Variants in PIK3C2G observed in about 807,000 individuals in gnomAD.
The protein encoded by PIK3C2G is phosphatidylinositol 3-kinase C2 domain-containing subunit gamma.
PIK3C2G carries 168 observed loss-of-function variants against 181.1 expected under a neutral mutation model. The ratio of observed to expected loss-of-function variants is 0.93; its 90% CI spans 0.82 to 1.05. PIK3C2G has a LOEUF of 1.05. PIK3C2G is among the 50% of genes least tolerant of loss of function. The pLI, the probability that PIK3C2G is intolerant of heterozygous loss-of-function variation, is 0.00. For synonymous variants in PIK3C2G, 573 were observed against 592.2 expected (o/e 0.97, Z 0.47); for missense variants, 1,869 against 1,732.8 (o/e 1.08, Z -1.40).
At chr12:18,340,438 T>G (rs1214208659) in intron 9 of PIK3C2G, among the ~76,000 whole-genome samples, 1 of 152,220 alleles carries the variant, frequency 6.6e-6, no homozygotes, top group East Asian at 1.9e-4. Flanking sequence ...TTCACCAGTA[T>G]GTTTTGAAAA....
intron 25 of PIK3C2G, among the ~76,000 whole-genome samples, chr12:18,540,818 T>C (rs12299415): frequency 0.024 from 3,570 of 151,906 alleles, 151 homozygotes; most frequent in African/African-American, 0.082. Flanking sequence ...TCAGAAGCAA[T>C]GTGGACCAAT....
chr12:18,566,892 A>T (rs546676931), intron 28 of PIK3C2G, 57 bp from the exon 29 acceptor site: 2 of 854,788 alleles, frequency 2.3e-6, no homozygotes, highest in South Asian at 2.8e-5. Context: ...AACAATCTTA[A>T]GATGAAAAGG....
chr12:18,278,130 T>C (rs191577441), intron 1 of PIK3C2G, among the ~76,000 whole-genome samples: 3 of 152,314 alleles, frequency 2.0e-5, no homozygotes, highest in African/African-American at 7.2e-5. Context: ...TAACAAATTA[T>C]CACAAACTTT....
At chr12:18,455,030 G>A (rs1947549952) in intron 18 of PIK3C2G, among the ~76,000 whole-genome samples, 1 of 152,160 alleles carries the variant, frequency 6.6e-6, no homozygotes, top group Non-Finnish European at 1.5e-5. Context: ...TTCAACTGGA[G>A]AAAGATTTGC....
chr12:18,339,715 G>A (rs1938942292), intron 9 of PIK3C2G, among the ~76,000 whole-genome samples: 1 of 152,088 alleles, frequency 6.6e-6, no homozygotes, highest in African/African-American at 2.4e-5. Flanking sequence ...GTTTCTTAAT[G>A]TTGGGCTTTC....
intron 9 of PIK3C2G, among the ~76,000 whole-genome samples, chr12:18,339,178 A>G (rs12815366): frequency 0.099 from 15,092 of 152,110 alleles, 794 homozygotes; most frequent in Non-Finnish European, 0.11. Flanking sequence ...ATTATTTTCC[A>G]AGAAAAATAT....
chr12:18,576,834 A>C (rs1342895777), intron 29 of PIK3C2G, among the ~76,000 whole-genome samples: 1 of 152,190 alleles, frequency 6.6e-6, no homozygotes, highest in Non-Finnish European at 1.5e-5. Context: ...TCTGAAGGTC[A>C]CGTCTGTTCA....
intron 29 of PIK3C2G, among the ~76,000 whole-genome samples, chr12:18,580,704 T>C (rs1946452857): frequency 1.3e-5 from 2 of 152,222 alleles, no homozygotes; most frequent in Non-Finnish European, 2.9e-5. Flanking sequence ...AATATGAATA[T>C]AGTGGGTGGA....
chr12:18,699,471 A>T, the PIK3C2G span, among the ~76,000 whole-genome samples: 1 of 152,050 alleles, frequency 6.6e-6, no homozygotes, highest in Non-Finnish European at 1.5e-5. Context: ...CAAGCCTTCT[A>T]ATTCGGCTCT....
At chr12:18,623,692 A>G (rs1234740690) in intron 31 of PIK3C2G, among the ~76,000 whole-genome samples, 2 of 151,610 alleles carry the variant, frequency 1.3e-5, no homozygotes, top group Admixed American at 6.6e-5. Flanking sequence ...CTTTCCACGT[A>G]TTTGTGTTTT....
intron 30 of PIK3C2G, among the ~76,000 whole-genome samples, chr12:18,604,576 G>A (rs1947911643): frequency 6.6e-6 from 1 of 152,084 alleles, no homozygotes; most frequent in East Asian, 1.9e-4. Flanking sequence ...ATTTCATCCA[G>A]CAACCACAGA....
intron 24 of PIK3C2G, among the ~76,000 whole-genome samples, chr12:18,506,982 A>G (rs941692093): frequency 2.6e-5 from 4 of 152,070 alleles, no homozygotes; most frequent in Admixed American, 6.6e-5. Flanking sequence ...TGCTTTCTTT[A>G]ATAAACAGCC....
At chr12:18,399,168 C>A (rs1178605656) in intron 15 of PIK3C2G, among the ~76,000 whole-genome samples, 21 of 138,498 alleles carry the variant, frequency 1.5e-4, no homozygotes, top group African/African-American at 5.7e-4. Flanking sequence ...GCACTCCAGC[C>A]TGGGTGACAG....
At chr12:18,679,393 C>A in the PIK3C2G span, among the ~76,000 whole-genome samples, 1 of 151,998 alleles carries the variant, frequency 6.6e-6, no homozygotes. Context: ...GATATTCTAT[C>A]TGCTTTCTTC....
chr12:18,706,657 G>T, the PIK3C2G span, among the ~76,000 whole-genome samples: 1 of 152,006 alleles, frequency 6.6e-6, no homozygotes, highest in Non-Finnish European at 1.5e-5. Flanking sequence ...TCTTTGTTTT[G>T]ATTTCATATA....
chr12:18,586,067 A>G (rs868316993), intron 29 of PIK3C2G, among the ~76,000 whole-genome samples: 1 of 152,320 alleles, frequency 6.6e-6, no homozygotes, highest in Middle Eastern at 3.4e-3. Context: ...AGGGACATTT[A>G]TAGCTCTAAA....
At chr12:18,674,481 T>C in the PIK3C2G span, among the ~76,000 whole-genome samples, 1 of 152,218 alleles carries the variant, frequency 6.6e-6, no homozygotes, top group Non-Finnish European at 1.5e-5. Context: ...CTATGAATTT[T>C]TTGGACAAAT....
At chr12:18,516,283 G>T (rs1319632945) in intron 24 of PIK3C2G, among the ~76,000 whole-genome samples, 1 of 135,272 alleles carries the variant, frequency 7.4e-6, no homozygotes, top group African/African-American at 2.8e-5. Flanking sequence ...TTTTCATTCA[G>T]CATTTTGAAT....
In PIK3C2G at chr12:18,615,375, G is replaced by GTGTGTGTGTATGTATA. The variant is rs1555150547; in HGVS notation, c.4182+5747_4182+5748insGTGTGTGTATGTATAT. Among the ~76,000 whole-genome samples, 3 of 89,580 alleles carry GTGTGTGTGTATGTATA rather than the reference G, an allele frequency of 3.3e-5. No homozygotes were observed. In the South Asian group the frequency reaches 1.5e-3, roughly 44 times the overall value. The allele number at this position is 89,580 out of a possible 152,430, so 58.8% of individuals were successfully genotyped here. ...TGTGTGTGTGTGTGTGTGTGTATGTGTATATATATATATCACGGTAGTATT... is the reference window on the plus strand; with the variant it reads ...TGTGTGTGTGTGTGTGTGTGTATGTGTGTGTGTGTATGTATATATATATATATATCACGGTAGTATT... On this transcript the variant is annotated intron_variant, in intron 31 of 32. Coordinates refer to ENST00000538779, the MANE Select transcript of PIK3C2G (RefSeq NM_001288772.2).
Sources: allele counts gnomAD v4.1 joint callset (sites outside exome capture counted in the v4.1 genomes callset), GRCh38; gene constraint gnomAD v4.1.1; transcripts MANE v1.5; gene names NCBI Gene and HGNC (gene_info 2026-07-23, HGNC 2026-07-21).